Variants in ZNF280C observed in about 807,000 individuals in gnomAD.
ZNF280C encodes suppressor of hairy wing homolog 3.
Under a neutral mutation model 53.6 loss-of-function variants are expected in ZNF280C, and 14 were observed. The observed-to-expected ratio is 0.26, with a 90% CI of 0.17 to 0.41. ZNF280C has a LOEUF of 0.41. ZNF280C is among the 10% of genes least tolerant of loss of function. The probability of loss-of-function intolerance (pLI) is 1.00; values close to 1 mark genes in which losing one functional copy is unlikely to be tolerated. For missense variants in ZNF280C, 416 were observed against 547.1 expected, an observed-to-expected ratio of 0.76 and a Z score of 2.39; for synonymous variants, 203 against 181.1, an observed-to-expected ratio of 1.12 and a Z score of -0.97.
At chrX:130,222,174 A>G (rs2032171172) in intron 12 of ZNF280C, among the ~76,000 whole-genome samples, 1 of 109,105 alleles carries the variant, frequency 9.2e-6, no homozygotes, top group Admixed American at 9.9e-5. Context: ...ACCATTTAAA[A>G]AACAGAAACC....
At chrX:130,248,726 T>C (rs902159008) in intron 2 of ZNF280C, among the ~76,000 whole-genome samples, 1 of 112,192 alleles carries the variant, frequency 8.9e-6, no homozygotes, top group African/African-American at 3.2e-5. Flanking sequence ...GCTCCTGAGC[T>C]GGCCAACCGG....
At chrX:130,262,402 T>C (rs893519587) in intron 1 of ZNF280C, among the ~76,000 whole-genome samples, 1 of 112,601 alleles carries the variant, frequency 8.9e-6, no homozygotes, top group Non-Finnish European at 1.9e-5. Context: ...AATACTACCA[T>C]ACTTAGTTCC....
chrX:130,234,579 A>G (rs2032311938), intron 8 of ZNF280C, among the ~76,000 whole-genome samples: 1 of 112,411 alleles, frequency 8.9e-6, no homozygotes, highest in Non-Finnish European at 1.9e-5. Context: ...TCTTTGAAAT[A>G]GTGAACAATT....
At chrX:130,242,084 A>T (rs1291317360) in intron 5 of ZNF280C, among the ~76,000 whole-genome samples, 1 of 108,375 alleles carries the variant, frequency 9.2e-6, no homozygotes, top group African/African-American at 3.4e-5. Flanking sequence ...CTCTACTAAA[A>T]ATACAAAAAT....
At chrX:130,222,444 T>A (rs2032177870) in intron 12 of ZNF280C, among the ~76,000 whole-genome samples, 1 of 111,422 alleles carries the variant, frequency 9.0e-6, no homozygotes, top group Admixed American at 9.5e-5. Context: ...AAATATTTCT[T>A]AAATAAAGAA....
At chrX:130,248,637 A>G (rs209220) in intron 2 of ZNF280C, among the ~76,000 whole-genome samples, 1 of 110,397 alleles carries the variant, frequency 9.1e-6, no homozygotes, top group Non-Finnish European at 1.9e-5. Flanking sequence ...CTCTTTGGTC[A>G]GCTGTCCTCT....
At chrX:130,220,291 A>C (rs967138531) in intron 13 of ZNF280C, 58 bp downstream of exon 13, 150 of 1,040,496 alleles carry the variant, frequency 1.4e-4, no homozygotes, top group Non-Finnish European at 1.8e-4. Context: ...AAAAAAAAAA[A>C]CATAAAAAAA....
Position 130,204,224 on chromosome X carries a change from G to A in ZNF280C, c.*753C>T, listed in dbSNP as rs970787296. On this transcript the variant is annotated 3_prime_UTR_variant, in exon 19 of 19. Coordinates refer to ENST00000370978, the MANE Select transcript of ZNF280C (RefSeq NM_017666.5). ...ACGTCAACCTGGATGTTGAAGCACT[G>A]ATCTCATGGACTTTTCTTGGTTAGA... 1 of 112,750 alleles carries A rather than the reference G, an allele frequency of 8.9e-6. No individual in the cohort carries two copies. 9.3% of individuals were successfully genotyped at this position (112,750 alleles called of 1,213,427 possible). A position where few individuals can be genotyped will look rare whatever the true frequency, so the allele number is the denominator to read the frequency against.
At chrX:130,209,234 T>C (rs779764763) in intron 16 of ZNF280C, among the ~76,000 whole-genome samples, 34 of 111,995 alleles carry the variant, frequency 3.0e-4, no homozygotes, top group Non-Finnish European at 4.9e-4. Context: ...AGATGTTTAG[T>C]TGATTCTGAG....
rs1343064006 is a variant in ZNF280C, at chrX:130,204,201, G to A, written c.*776C>T. The stretch of plus-strand genomic sequence containing the variant: ...AGAGCAGCAGCCAAAATGGTTAAAC[G>A]TCAACCTGGATGTTGAAGCACTGAT... On this transcript the variant is annotated 3_prime_UTR_variant, in exon 19 of 19. Transcript: ENST00000370978. 8.9e-6 allele frequency: 1 copy of A among 112,708 alleles called. No individual in the cohort carries two copies. The highest frequency in any genetic ancestry group is 2.8e-4 in the East Asian group (1 of 3,596). The allele number at this position is 112,708 out of a possible 1,213,427, so 9.3% of individuals were successfully genotyped here.
In ZNF280C at chrX:130,255,297, C is replaced by T. The variant is rs778961804; in HGVS notation, c.31+5122G>A. On this transcript the variant is annotated intron_variant, in intron 2 of 18. Transcript: ENST00000370978. ...CTGGGACTACAGGCGCCCGCCACTACGCCCGGCTAATTTTTTGTATTTTTA... is the reference window on the plus strand; with the variant it reads ...CTGGGACTACAGGCGCCCGCCACTATGCCCGGCTAATTTTTTGTATTTTTA... Among the ~76,000 whole-genome samples the T allele has an allele frequency of 8.4e-3, 870 of 103,477 alleles. 12 individuals are homozygous for T. The highest frequency in any genetic ancestry group is 0.029 in the African/African-American group (814 of 28,539). The allele number at this position is 103,477 out of a possible 115,157, so 89.9% of individuals were successfully genotyped here.
intron 6 of ZNF280C, 89 bp from the exon 7 acceptor site, chrX:130,236,728 C>A: frequency 1.6e-6 from 1 of 621,355 alleles, no homozygotes; most frequent in Non-Finnish European, 2.3e-6. Context: ...AATGGCTTTA[C>A]ATTTAAAACT....
Position 130,243,578 on chromosome X carries a change from C to T in ZNF280C, c.366G>A (p.Glu122=). ...AAACACTTACAGGTTTAGACGCATT[C>T]TCAACAGTAACAGAGCTTTGTGAAG... is the stretch of plus-strand genomic sequence containing the variant. ...SKSSQSSVTV[E]NASKPDFTKN... The change falls in exon 5 of 19, where the codon GAG becomes GAA. Residue 122 remains glutamate (E), a synonymous_variant. Transcript: ENST00000370978. 8.3e-7 allele frequency: 1 copy of T among 1,209,306 alleles called. No homozygotes were observed.
At chrX:130,260,178 A>C (rs1201538090) in intron 2 of ZNF280C, among the ~76,000 whole-genome samples, 1 of 110,667 alleles carries the variant, frequency 9.0e-6, no homozygotes, top group African/African-American at 3.3e-5. Context: ...GCTACTCAGG[A>C]GGCTGAGGCA....
intron 7 of ZNF280C, 33 bp from the exon 8 acceptor site, chrX:130,236,353 T>C (rs762134325): frequency 3.5e-6 from 4 of 1,149,980 alleles, no homozygotes; most frequent in Middle Eastern, 2.5e-4. Context: ...AAGACTCAAA[T>C]CCATCTTTTT....
In ZNF280C at chrX:130,203,349, A is replaced by T. The variant is rs767078250; in HGVS notation, c.*1628T>A. The T allele has an allele frequency of 2.5e-4, 28 of 111,876 alleles. No individual in the cohort carries two copies. The highest frequency in any genetic ancestry group is 9.1e-4 in the African/African-American group (28 of 30,860). 9.2% of individuals were successfully genotyped at this position (111,876 alleles called of 1,213,427 possible). ...AACCTAGCTACCAAAATAAAATTAA[A>T]AAAAAAGTTTAAAAATGTGAGTATC... On this transcript the variant is annotated 3_prime_UTR_variant, in exon 19 of 19. Transcript: ENST00000370978.
chrX:130,260,347 A>T, intron 2 of ZNF280C, 72 bp downstream of exon 2: 3 of 860,492 alleles, frequency 3.5e-6, no homozygotes, highest in Non-Finnish European at 3.2e-6. Context: ...TTCTGTCTCT[A>T]ATCTTTTCTT....
chrX:130,256,615 G>A (rs1401462719), intron 2 of ZNF280C, among the ~76,000 whole-genome samples: 2 of 110,136 alleles, frequency 1.8e-5, no homozygotes, highest in Non-Finnish European at 1.9e-5. Context: ...AGAAGTGGGG[G>A]GGCGCGGTAG....
rs1348453963 is a variant in ZNF280C at position 130,239,593 on chromosome X, A to G, written c.482T>C (p.Ile161Thr). Residue 161 changes from isoleucine (I) to threonine (T), a missense_variant, in exon 6 of 19, where the codon ATT becomes ACT. By Grantham distance (89) the Ile-to-Thr change is moderately conservative (BLOSUM62 -1). Coordinates refer to ENST00000370978, the MANE Select transcript of ZNF280C (RefSeq NM_017666.5). ...SLPPSQDIPAIFREGMKNTSY... is the reference protein window; with the variant it reads ...SLPPSQDIPATFREGMKNTSY... Reference sequence around the variant, plus strand: ...GTGCTAAACCAAACCTTCTCTAAAAATTGCTGGTATGTCTTGGGATGGTGG... The same window carrying G: ...GTGCTAAACCAAACCTTCTCTAAAAGTTGCTGGTATGTCTTGGGATGGTGG... The G allele has an allele frequency of 2.6e-6, 3 of 1,173,221 alleles. No homozygotes were observed. The highest frequency in any genetic ancestry group is 3.5e-6 in the Non-Finnish European group (3 of 865,771).
Sources: allele counts gnomAD v4.1 joint callset (sites outside exome capture counted in the v4.1 genomes callset), GRCh38; gene constraint gnomAD v4.1.1; transcripts MANE v1.5; gene names NCBI Gene and HGNC (gene_info 2026-07-23, HGNC 2026-07-21).